The following RNF8 variants were observed in gnomAD, a reference collection of about 807,000 sequenced individuals.
The protein encoded by RNF8 is E3 ubiquitin-protein ligase RNF8.
In RNF8, 8 loss-of-function variants were observed where a neutral mutation model predicts 59.3. That is an observed-to-expected ratio of 0.13 (90% CI 0.08 to 0.24). The LOEUF is 0.24. Ranked by LOEUF, RNF8 falls within the 10% of genes least tolerant of loss-of-function variation. The pLI, the probability that RNF8 is intolerant of heterozygous loss-of-function variation, is 1.00. For missense variants in RNF8, 406 were observed against 572.6 expected, an observed-to-expected ratio of 0.71 and a Z score of 2.97; for synonymous variants, 162 against 200.0, an observed-to-expected ratio of 0.81 and a Z score of 1.60.
intron 1 of RNF8, chr6:37,359,193 A>T (rs576623042): frequency 2.2e-6 from 1 of 455,068 alleles, no homozygotes; most frequent in Admixed American, 2.4e-5. Flanking sequence ...GGTTGTTATG[A>T]ACTAGACTGG....
chr6:37,355,070 A>G (rs1769064311), intron 1 of RNF8, among the ~76,000 whole-genome samples: 3 of 152,110 alleles, frequency 2.0e-5, no homozygotes, highest in Admixed American at 2.0e-4. Flanking sequence ...GTCTTTATTA[A>G]TGCAGTTGCA....
chr6:37,356,103 G>C (rs927078583), intron 1 of RNF8, among the ~76,000 whole-genome samples: 13 of 152,156 alleles, frequency 8.5e-5, no homozygotes, highest in Non-Finnish European at 1.3e-4. Flanking sequence ...CTGAAGAAAG[G>C]GCAAGAAGAC....
At chr6:37,355,744 T>C (rs1769090679) in intron 1 of RNF8, among the ~76,000 whole-genome samples, 1 of 152,220 alleles carries the variant, frequency 6.6e-6, no homozygotes, top group African/African-American at 2.4e-5. Flanking sequence ...TATTAGTGCC[T>C]AAAAGTCCAC....
intron 1 of RNF8, among the ~76,000 whole-genome samples, chr6:37,358,787 G>A (rs565574588): frequency 9.2e-5 from 14 of 152,132 alleles, no homozygotes; most frequent in South Asian, 6.2e-4. Context: ...TAAAGAGGTC[G>A]TTTGTGCACT....
At chr6:37,390,594 A>G in intron 7 of RNF8, 148 bp from the exon 8 acceptor site, 2 of 613,280 alleles carry the variant, frequency 3.3e-6, no homozygotes, top group Non-Finnish European at 5.8e-6. Context: ...GGCTTTGAGC[A>G]GAGAGTGACA....
At chr6:37,390,142 CT>C (rs1366957037) in intron 7 of RNF8, among the ~76,000 whole-genome samples, 11 of 152,228 alleles carry the variant, frequency 7.2e-5, no homozygotes, top group African/African-American at 2.4e-4. Context: ...TAATTCATTC[CT>C]TTCTTTAACA....
At chr6:37,377,415 GC>G (rs1416932930) in intron 6 of RNF8, among the ~76,000 whole-genome samples, 1 of 152,022 alleles carries the variant, frequency 6.6e-6, no homozygotes, top group Non-Finnish European at 1.5e-5. Flanking sequence ...TGAAGCCTGG[GC>G]TACACAGGCT....
intron 7 of RNF8, among the ~76,000 whole-genome samples, chr6:37,384,220 A>T (rs1770400776): frequency 6.7e-6 from 1 of 148,582 alleles, no homozygotes; most frequent in South Asian, 2.1e-4. Context: ...GGCTCACTGC[A>T]ACCTCCCCCT....
chr6:37,372,384 T>C (rs541858005), intron 4 of RNF8, among the ~76,000 whole-genome samples: 1 of 152,336 alleles, frequency 6.6e-6, no homozygotes, highest in South Asian at 2.1e-4. Context: ...CTTGATCTCC[T>C]TGAGGGTTGC....
chr6:37,385,205 G>T (rs1407983668), intron 7 of RNF8, among the ~76,000 whole-genome samples: 3 of 151,512 alleles, frequency 2.0e-5, no homozygotes, highest in African/African-American at 7.3e-5. Flanking sequence ...TAGAGATGGG[G>T]TTTCTCCATG....
At chr6:37,390,109 C>G (rs1461052357) in intron 7 of RNF8, among the ~76,000 whole-genome samples, 1 of 152,258 alleles carries the variant, frequency 6.6e-6, no homozygotes, top group Non-Finnish European at 1.5e-5. Context: ...GAATTCCCGC[C>G]TCTCCCTGCC....
At chr6:37,374,845 A>G (rs1769944574) in intron 5 of RNF8, 136 bp downstream of exon 5, 2 of 632,010 alleles carry the variant, frequency 3.2e-6, no homozygotes, top group Non-Finnish European at 5.6e-6. Context: ...AATCTATAAA[A>G]TTATAGAGGC....
chr6:37,384,390 G>C (rs369329), intron 7 of RNF8, among the ~76,000 whole-genome samples: 35,079 of 151,906 alleles, frequency 0.23, 8,461 homozygotes, highest in African/African-American at 0.62. Context: ...GATGTACCCC[G>C]CTCCGCCCCC....
intron 1 of RNF8, among the ~76,000 whole-genome samples, chr6:37,357,465 G>A (rs1308778060): frequency 6.6e-6 from 1 of 152,168 alleles, no homozygotes; most frequent in African/African-American, 2.4e-5. Flanking sequence ...TGGCAGTCTG[G>A]CTGTCTCCCC....
intron 7 of RNF8, among the ~76,000 whole-genome samples, chr6:37,388,935 T>TAAAAAAAAA (rs10667248): frequency 0.2 from 27,594 of 138,802 alleles, 5,652 homozygotes; most frequent in African/African-American, 0.54. Context: ...CCTATCTCTT[T>TAAAAAAAAA]AAAAAAAAAA....
intron 2 of RNF8, among the ~76,000 whole-genome samples, chr6:37,367,182 G>A (rs1210561321): frequency 6.6e-6 from 1 of 152,134 alleles, no homozygotes. Flanking sequence ...CTTGCCATAT[G>A]TTATCTCATT....
chr6:37,364,213 G>T, intron 2 of RNF8, among the ~76,000 whole-genome samples: 1 of 144,276 alleles, frequency 6.9e-6, no homozygotes, highest in African/African-American at 2.7e-5. Flanking sequence ...AGTGAAAGAA[G>T]ACAGACACAA....
chr6:37,365,660 C>CT (rs1418110298), intron 2 of RNF8, among the ~76,000 whole-genome samples: 2 of 152,212 alleles, frequency 1.3e-5, no homozygotes, highest in Non-Finnish European at 2.9e-5. Context: ...TAATTCCTGT[C>CT]TAAGTGGATG....
chr6:37,361,112 CT>C (rs1769304565), intron 2 of RNF8: 1 of 360,928 alleles, frequency 2.8e-6, no homozygotes, highest in African/African-American at 2.1e-5. Context: ...TTGAAAACCA[CT>C]AGTTTAGTGG....
Sources: allele counts gnomAD v4.1 joint callset (sites outside exome capture counted in the v4.1 genomes callset), GRCh38; gene constraint gnomAD v4.1.1; transcripts MANE v1.5; gene names NCBI Gene and HGNC (gene_info 2026-07-23, HGNC 2026-07-21).